The following ENTREP2 variants were observed in gnomAD, a reference collection of about 807,000 sequenced individuals.
The protein encoded by ENTREP2 is endosomal transmembrane epsin interactor 2, also known as protein ENTREP2.
chr15:29,355,567 T>C, the ENTREP2 span, among the ~76,000 whole-genome samples: 1 of 151,882 alleles, frequency 6.6e-6, no homozygotes, highest in Non-Finnish European at 1.5e-5. Flanking sequence ...TAATAATGCA[T>C]GCTTCCAGAG....
chr15:29,628,660 TTC>T, the ENTREP2 span, among the ~76,000 whole-genome samples: 1 of 152,180 alleles, frequency 6.6e-6, no homozygotes, highest in Non-Finnish European at 1.5e-5. Flanking sequence ...CTTTTTTCAG[TTC>T]TGTTTTTACT....
the ENTREP2 span, among the ~76,000 whole-genome samples, chr15:29,471,441 C>T: frequency 6.6e-6 from 1 of 152,192 alleles, no homozygotes; most frequent in Non-Finnish European, 1.5e-5. Flanking sequence ...AGAATAGGCA[C>T]AGGAGAGAAC....
At chr15:29,590,683 C>CAAAAAAAAAAAA in the ENTREP2 span, among the ~76,000 whole-genome samples, 2 of 75,332 alleles carry the variant, frequency 2.7e-5, no homozygotes, top group African/African-American at 5.0e-5. Context: ...GACTCCGTCT[C>CAAAAAAAAAAAA]AAAAAAAAAA....
the ENTREP2 span, among the ~76,000 whole-genome samples, chr15:29,543,365 C>G: frequency 5.3e-5 from 8 of 152,142 alleles, no homozygotes; most frequent in African/African-American, 1.7e-4. Context: ...GTCTCAGGTA[C>G]TTAGTGAGGA....
the ENTREP2 span, among the ~76,000 whole-genome samples, chr15:29,170,225 G>A: frequency 6.0e-5 from 9 of 149,684 alleles, no homozygotes; most frequent in Non-Finnish European, 8.9e-5. Flanking sequence ...GAAGAATGGC[G>A]TGAACCCGGG....
At chr15:29,504,339 T>A in the ENTREP2 span, among the ~76,000 whole-genome samples, 1 of 152,102 alleles carries the variant, frequency 6.6e-6, no homozygotes, top group Non-Finnish European at 1.5e-5. Flanking sequence ...TCAACCCACA[T>A]GGAAGTGGAA....
At chr15:29,643,866 C>T in the ENTREP2 span, among the ~76,000 whole-genome samples, 1 of 151,640 alleles carries the variant, frequency 6.6e-6, no homozygotes, top group African/African-American at 2.4e-5. Flanking sequence ...TAAATTGGTA[C>T]AGTCACTTTG....
At chr15:29,294,342 C>T in the ENTREP2 span, among the ~76,000 whole-genome samples, 1 of 152,326 alleles carries the variant, frequency 6.6e-6, no homozygotes, top group South Asian at 2.1e-4. Context: ...CAACCTCAGC[C>T]CACTCCCTGC....
At chr15:29,216,406 C>G in the ENTREP2 span, among the ~76,000 whole-genome samples, 1 of 152,172 alleles carries the variant, frequency 6.6e-6, no homozygotes, top group Admixed American at 6.5e-5. Flanking sequence ...AGATTCTTTC[C>G]TTTGTCTAAC....
the ENTREP2 span, among the ~76,000 whole-genome samples, chr15:29,570,897 GGC>G: frequency 6.9e-6 from 1 of 145,046 alleles, no homozygotes; most frequent in Non-Finnish European, 1.5e-5. Context: ...CGGGGAGCCG[GGC>G]GCCCGCAGCC....
the ENTREP2 span, among the ~76,000 whole-genome samples, chr15:29,258,298 T>C: frequency 1.3e-5 from 2 of 151,130 alleles, no homozygotes; most frequent in Non-Finnish European, 2.9e-5. Flanking sequence ...CAGTCCCATA[T>C]CATTCAAATG....
the ENTREP2 span, among the ~76,000 whole-genome samples, chr15:29,290,214 T>C: frequency 6.6e-6 from 1 of 152,172 alleles, no homozygotes; most frequent in Non-Finnish European, 1.5e-5. Context: ...CCTCACCTCC[T>C]ACTTTCCCTG....
At chr15:29,272,851 G>T in the ENTREP2 span, among the ~76,000 whole-genome samples, 1 of 152,186 alleles carries the variant, frequency 6.6e-6, no homozygotes, top group Non-Finnish European at 1.5e-5. Context: ...GTGAAGTAGA[G>T]GACATGAAAA....
the ENTREP2 span, chr15:29,570,591 G>C: frequency 6.8e-7 from 1 of 1,466,362 alleles, no homozygotes. Flanking sequence ...GCCACGATGA[G>C]GCATCCGAGC....
chr15:29,191,962 G>A, the ENTREP2 span, among the ~76,000 whole-genome samples: 2 of 152,172 alleles, frequency 1.3e-5, no homozygotes, highest in South Asian at 4.1e-4. Flanking sequence ...TGGGTAGGGT[G>A]CAGGACGCTC....
the ENTREP2 span, among the ~76,000 whole-genome samples, chr15:29,158,595 A>T: frequency 6.6e-6 from 1 of 152,078 alleles, no homozygotes; most frequent in Non-Finnish European, 1.5e-5. Flanking sequence ...TTTTTTAAGT[A>T]GAGATAGGGT....
the ENTREP2 span, among the ~76,000 whole-genome samples, chr15:29,347,735 C>T: frequency 6.6e-6 from 1 of 152,206 alleles, no homozygotes; most frequent in Non-Finnish European, 1.5e-5. Context: ...AAAGCATTCA[C>T]ATGAAGTCCG....
chr15:29,386,328 G>A, the ENTREP2 span, among the ~76,000 whole-genome samples: 1 of 152,166 alleles, frequency 6.6e-6, no homozygotes, highest in Admixed American at 6.5e-5. Flanking sequence ...ATGCCGTGGA[G>A]ATGGAGCCCC....
chr15:29,399,081 C>CT, the ENTREP2 span, among the ~76,000 whole-genome samples: 1 of 152,206 alleles, frequency 6.6e-6, no homozygotes, highest in Admixed American at 6.5e-5. Context: ...TGAGATGCCT[C>CT]TAAGAGCTGA....
Sources: gnomAD v4.1 joint callset for allele counts (sites outside exome capture counted in the v4.1 genomes callset) on GRCh38, gnomAD v4.1.1 for gene constraint, MANE v1.5 for transcripts, NCBI Gene and HGNC (gene_info 2026-07-23, HGNC 2026-07-21) for gene names.